Variants in AGBL1 observed in about 807,000 individuals in gnomAD.
The protein encoded by AGBL1 is cytosolic carboxypeptidase 4.
Under a neutral mutation model 118.9 loss-of-function variants are expected in AGBL1, and 130 were observed. The observed-to-expected ratio is 1.09, with a 90% CI of 0.95 to 1.26. The LOEUF is 1.26. Among genes scored for constraint, AGBL1 ranks in the 50% most tolerant of loss-of-function variants. The pLI, the probability that AGBL1 is intolerant of heterozygous loss-of-function variation, is 0.00. For synonymous variants in AGBL1, 555 were observed against 478.9 expected (o/e 1.16, Z -2.08); for missense variants, 1,584 against 1,298.1 (o/e 1.22, Z -3.38).
At chr15:86,202,259 C>T (rs769671473) in intron 5 of AGBL1, among the ~76,000 whole-genome samples, 2 of 152,200 alleles carry the variant, frequency 1.3e-5, no homozygotes, top group African/African-American at 4.8e-5. Flanking sequence ...TGCCACTACA[C>T]TTCAGCCTGG....
rs138806080 is a variant in AGBL1 at position 86,657,580 on chromosome 15, C to T, written c.2995-16693C>T. 4.9e-3 allele frequency among the ~76,000 whole-genome samples: 744 copies of T among 152,158 alleles called. 4 individuals carry two copies. The highest frequency in any genetic ancestry group is 0.013 in the African/African-American group (555 of 41,526). ...TGACTCACAGTGGGATATAAAAATG[C>T]CGGAGAAAGATTTGGTGTTATTGCT... On this transcript the variant is annotated intron_variant, in intron 21 of 22. Transcript: ENST00000614907.
At chr15:86,874,007 C>T (rs2079767873) in intron 22 of AGBL1, among the ~76,000 whole-genome samples, 1 of 152,126 alleles carries the variant, frequency 6.6e-6, no homozygotes, top group African/African-American at 2.4e-5. Context: ...TTTACTATAT[C>T]TTTTCTCAGT....
chr15:86,081,386 GA>G (rs1191831960), intron 1 of AGBL1, among the ~76,000 whole-genome samples: 1 of 152,212 alleles, frequency 6.6e-6, no homozygotes, highest in Non-Finnish European at 1.5e-5. Context: ...GAAAGTTTAA[GA>G]ACCAATAAGT....
At chr15:86,549,173 A>G (rs548279364) in intron 20 of AGBL1, among the ~76,000 whole-genome samples, 1 of 152,192 alleles carries the variant, frequency 6.6e-6, no homozygotes, top group African/African-American at 2.4e-5. Flanking sequence ...ACATGTATCT[A>G]AACTATATCG....
intron 1 of AGBL1, chr15:86,107,472 G>A (rs931334119): frequency 6.6e-6 from 1 of 152,314 alleles, no homozygotes; most frequent in East Asian, 1.9e-4. Context: ...GATGAAAGGA[G>A]ATGTAGTTTG....
chr15:86,551,110 T>C (rs879766137), intron 20 of AGBL1, among the ~76,000 whole-genome samples: 1 of 152,070 alleles, frequency 6.6e-6, no homozygotes, highest in Non-Finnish European at 1.5e-5. Context: ...TTGTAATTTA[T>C]AATATTTAGA....
chr15:86,928,432 C>T (rs1304611380), intron 23 of AGBL1, among the ~76,000 whole-genome samples: 2 of 152,118 alleles, frequency 1.3e-5, no homozygotes, highest in Admixed American at 6.5e-5. Flanking sequence ...ACAATGAACC[C>T]GATTTTCTTT....
intron 17 of AGBL1, among the ~76,000 whole-genome samples, chr15:86,390,790 C>T (rs2081268138): frequency 6.7e-6 from 1 of 150,246 alleles, no homozygotes; most frequent in Non-Finnish European, 1.5e-5. Context: ...CTGCCTCAGC[C>T]TCCCAAGGAG....
At chr15:86,900,805 C>T (rs1024152378) in intron 22 of AGBL1, among the ~76,000 whole-genome samples, 1 of 152,110 alleles carries the variant, frequency 6.6e-6, no homozygotes, top group Admixed American at 6.6e-5. Context: ...GCTTTTGATA[C>T]TTCTTGCAGA....
chr15:86,321,382 C>G (rs1030371429), intron 17 of AGBL1, among the ~76,000 whole-genome samples: 1 of 152,038 alleles, frequency 6.6e-6, no homozygotes, highest in South Asian at 2.1e-4. Flanking sequence ...TTAACCTTGA[C>G]TGTAAGCTGT....
At chr15:86,763,159 GACA>G (rs561011259) in intron 22 of AGBL1, among the ~76,000 whole-genome samples, 106 of 152,032 alleles carry the variant, frequency 7.0e-4, no homozygotes, top group African/African-American at 2.4e-3. Context: ...CCACAAGGAT[GACA>G]ACAACAACAA....
At chr15:86,165,313 C>T (rs2077324948) in intron 5 of AGBL1, among the ~76,000 whole-genome samples, 1 of 152,116 alleles carries the variant, frequency 6.6e-6, no homozygotes, top group South Asian at 2.1e-4. Flanking sequence ...TATTGGCAGC[C>T]CTTTCTGGTG....
At chr15:86,620,653 A>G (rs925668550) in intron 21 of AGBL1, among the ~76,000 whole-genome samples, 2 of 152,052 alleles carry the variant, frequency 1.3e-5, no homozygotes, top group East Asian at 1.9e-4. Context: ...CCTTTTATCA[A>G]TTTCCTACCT....
chr15:86,336,178 AG>A, intron 17 of AGBL1, among the ~76,000 whole-genome samples: 2 of 152,358 alleles, frequency 1.3e-5, no homozygotes, highest in Middle Eastern at 3.4e-3. Flanking sequence ...CTTTGAGGCC[AG>A]CAAGGAAGTG....
intron 22 of AGBL1, among the ~76,000 whole-genome samples, chr15:86,739,899 C>A (rs2077653481): frequency 6.6e-6 from 1 of 152,094 alleles, no homozygotes; most frequent in Admixed American, 6.5e-5. Flanking sequence ...AATCACTGAG[C>A]CCTGCTATGA....
At chr15:86,799,983 G>A (rs1445348735) in intron 22 of AGBL1, among the ~76,000 whole-genome samples, 2 of 151,896 alleles carry the variant, frequency 1.3e-5, no homozygotes, top group Non-Finnish European at 2.9e-5. Flanking sequence ...TCTGGAACCC[G>A]GGCTTCTCAA....
chr15:86,097,898 G>A (rs1597388944), intron 1 of AGBL1, among the ~76,000 whole-genome samples: 1 of 152,052 alleles, frequency 6.6e-6, no homozygotes, highest in Non-Finnish European at 1.5e-5. Context: ...TCTCCATACT[G>A]TTTTCCACAG....
intron 24 of AGBL1, among the ~76,000 whole-genome samples, chr15:87,002,508 T>C (rs1414129900): frequency 6.6e-6 from 1 of 152,096 alleles, no homozygotes; most frequent in Non-Finnish European, 1.5e-5. Context: ...TTTCCAATTC[T>C]GTGAAGAAAG....
At chr15:86,431,204 C>G (rs1392867948) in intron 18 of AGBL1, among the ~76,000 whole-genome samples, 1 of 152,212 alleles carries the variant, frequency 6.6e-6, no homozygotes, top group Non-Finnish European at 1.5e-5. Context: ...AGATTAGTGC[C>G]TGACTTGGCA....
Sources: allele counts gnomAD v4.1 joint callset (sites outside exome capture counted in the v4.1 genomes callset), GRCh38; gene constraint gnomAD v4.1.1; transcripts MANE v1.5; gene names NCBI Gene and HGNC (gene_info 2026-07-23, HGNC 2026-07-21).